DDR2: variants seen among roughly 807,000 people sequenced by gnomAD.
DDR2 encodes discoidin domain receptor tyrosine kinase 2.
Under a neutral mutation model 94.9 loss-of-function variants are expected in DDR2, and 27 were observed. That is an observed-to-expected ratio of 0.28 (90% CI 0.21 to 0.39). DDR2 has a LOEUF of 0.39. DDR2 is among the 10% of genes least tolerant of loss of function. The pLI is 1.00. For synonymous variants in DDR2, 382 were observed against 377.2 expected (o/e 1.01, Z -0.15); for missense variants, 783 against 1,076.0 (o/e 0.73, Z 3.81).
At chr1:162,695,191 G>T (rs1029818869) in intron 2 of DDR2, among the ~76,000 whole-genome samples, 1 of 152,074 alleles carries the variant, frequency 6.6e-6, no homozygotes, top group Non-Finnish European at 1.5e-5. Context: ...CTTTTAACAC[G>T]ATGGGAAAGC....
At position 162,780,391 on chromosome 1, in the gene DDR2, C is replaced by T. The variant is rs558293916; in HGVS notation, c.*145C>T. 141 of 1,220,014 alleles carry T rather than the reference C, an allele frequency of 1.2e-4. 1 individual carries two copies. In the African/African-American group the frequency reaches 1.9e-3, roughly 16 times the overall value. The allele number at this position is 1,220,014 out of a possible 1,614,324, so 75.6% of individuals were successfully genotyped here. Reference sequence around the variant, plus strand: ...TGCTTTGCCCTCTTTTCCTGGTCACCCCCACTCCCTACCCCTGACTCATAT... The same window carrying T: ...TGCTTTGCCCTCTTTTCCTGGTCACTCCCACTCCCTACCCCTGACTCATAT... On this transcript the variant is annotated 3_prime_UTR_variant, in exon 18 of 18. Coordinates refer to ENST00000367921, the MANE Select transcript of DDR2 (RefSeq NM_006182.4).
intron 9 of DDR2, among the ~76,000 whole-genome samples, chr1:162,764,275 T>C (rs1335838829): frequency 6.6e-6 from 1 of 151,582 alleles, no homozygotes; most frequent in Non-Finnish European, 1.5e-5. Context: ...CTGCAGCAAA[T>C]AGTGATTTAA....
chr1:162,637,254 A>G (rs986691902), intron 1 of DDR2, among the ~76,000 whole-genome samples: 1 of 152,198 alleles, frequency 6.6e-6, no homozygotes, highest in African/African-American at 2.4e-5. Flanking sequence ...GAAAATTGGT[A>G]TCCACATTGG....
intron 2 of DDR2, among the ~76,000 whole-genome samples, chr1:162,678,437 T>C (rs767976196): frequency 6.6e-6 from 1 of 152,242 alleles, no homozygotes; most frequent in African/African-American, 2.4e-5. Context: ...TCCTACCTGA[T>C]GTGTCTATCT....
chr1:162,657,307 C>T (rs1356330737), intron 2 of DDR2, among the ~76,000 whole-genome samples: 1 of 152,148 alleles, frequency 6.6e-6, no homozygotes, highest in Non-Finnish European at 1.5e-5. Context: ...AAGAGTCCTT[C>T]TGGTCACCAA....
intron 16 of DDR2, 67 bp downstream of exon 16, chr1:162,776,437 G>T: frequency 1.3e-6 from 2 of 1,492,388 alleles, no homozygotes; most frequent in Non-Finnish European, 1.9e-6. Flanking sequence ...ATGACACGTG[G>T]AGACAAACCT....
intron 7 of DDR2, among the ~76,000 whole-genome samples, chr1:162,758,912 G>T (rs1663583430): frequency 6.6e-6 from 1 of 152,046 alleles, no homozygotes; most frequent in South Asian, 2.1e-4. Flanking sequence ...GATGGTTTTT[G>T]CTCTGTCCCT....
rs746147175 is a variant in DDR2 at position 162,755,183 on chromosome 1, G to A, written c.445G>A (p.Asp149Asn). The A allele has an allele frequency of 1.9e-6, 3 of 1,613,912 alleles. No homozygotes were observed. The highest frequency in any genetic ancestry group is 2.2e-5 in the South Asian group (2 of 91,078). ...QVLDGNSNPY[D>N]IFLKDLEPPI... ...GCTGGATGGAAATAGTAACCCCTAT[G>A]ACATTTTCCTAAAGGACTTGGAGCC... Residue 149 changes from aspartate to asparagine, a missense_variant, in exon 6 of 18, where the codon GAC becomes AAC. This residue lies in a region of DDR2 where 519 missense variants were observed against 647.9 expected (regional missense o/e 0.80). Coordinates refer to ENST00000367921, the MANE Select transcript of DDR2 (RefSeq NM_006182.4).
chr1:162,632,940 G>A (rs567635832), intron 1 of DDR2, among the ~76,000 whole-genome samples: 1 of 152,350 alleles, frequency 6.6e-6, no homozygotes, highest in East Asian at 1.9e-4. Context: ...AGTTGAAATT[G>A]TTGGCAGGCA....
intron 11 of DDR2, among the ~76,000 whole-genome samples, chr1:162,769,999 C>A (rs1052351052): frequency 6.6e-6 from 1 of 152,062 alleles, no homozygotes; most frequent in African/African-American, 2.4e-5. Context: ...AGATTGAGAT[C>A]TTTGGCTACT....
chr1:162,704,733 T>A (rs2102002234), intron 2 of DDR2, among the ~76,000 whole-genome samples: 1 of 152,298 alleles, frequency 6.6e-6, no homozygotes, highest in East Asian at 1.9e-4. Flanking sequence ...AAGGCCCTAC[T>A]TCCTAATACT....
At chr1:162,679,721 G>T (rs1327591736) in intron 2 of DDR2, among the ~76,000 whole-genome samples, 1 of 152,016 alleles carries the variant, frequency 6.6e-6, no homozygotes, top group Middle Eastern at 3.2e-3. Flanking sequence ...TCACCACACT[G>T]CCTTCCACAA....
intron 3 of DDR2, 148 bp from the exon 4 acceptor site, chr1:162,752,947 G>C: frequency 1.5e-6 from 1 of 673,296 alleles, no homozygotes; most frequent in Non-Finnish European, 2.6e-6. Context: ...GATAGAGTCA[G>C]GGTGATCAAA....
intron 11 of DDR2, 131 bp from the exon 12 acceptor site, chr1:162,770,171 G>A (rs964963316): frequency 5.6e-5 from 49 of 871,320 alleles, no homozygotes; most frequent in Non-Finnish European, 8.5e-5. Context: ...TTCCTAGCAC[G>A]TGCAGTGTTG....
chr1:162,740,744 G>A (rs1367826002), intron 3 of DDR2, among the ~76,000 whole-genome samples: 1 of 152,154 alleles, frequency 6.6e-6, no homozygotes, highest in Non-Finnish European at 1.5e-5. Context: ...TTCCCGCAAG[G>A]CCAATGAATT....
chr1:162,759,903 G>A lies in DDR2; in HGVS notation c.779G>A (p.Arg260Gln), dbSNP rs139577393. ...CCCGGCTATGACTATGTGGGCTGGC[G>A]GAACGAGAGTGCCACCAATGGCTAC... ...VWPGYDYVGWRNESATNGYIE... is the reference protein window; with the variant it reads ...VWPGYDYVGWQNESATNGYIE... The change falls in exon 8 of 18, where the codon CGG becomes CAG. Residue 260 changes from arginine to glutamine, a missense_variant. Coordinates refer to ENST00000367921, the MANE Select transcript of DDR2 (RefSeq NM_006182.4). 2.0e-5 allele frequency: 33 copies of A among 1,614,012 alleles called. No homozygotes were observed. The highest frequency in any genetic ancestry group is 8.0e-5 in the African/African-American group (6 of 74,896).
intron 2 of DDR2, among the ~76,000 whole-genome samples, chr1:162,683,575 G>A (rs943193174): frequency 2.6e-5 from 4 of 152,022 alleles, no homozygotes; most frequent in African/African-American, 7.2e-5. Flanking sequence ...AAGAAATATA[G>A]TGCTAATTTT....
intron 2 of DDR2, chr1:162,705,261 C>G (rs111886750): frequency 4.6e-5 from 7 of 152,344 alleles, no homozygotes; most frequent in Non-Finnish European, 1.0e-4. Flanking sequence ...GGGCTGTCCC[C>G]CTGACTGCGT....
Position 162,761,466 on chromosome 1 carries a change from A to C in DDR2, c.1099+12A>C, listed in dbSNP as rs144350332. On this transcript the variant is annotated intron_variant, in intron 9 of 17. Coordinates refer to ENST00000367921, the MANE Select transcript of DDR2 (RefSeq NM_006182.4). The stretch of plus-strand genomic sequence containing the variant: ...CACCTTCCAATCAGGTAGGGAGCTC[A>C]GGTCCTCTTTGGGAAGTGGGAGCAA... 1,990 of 1,614,172 alleles carry C rather than the reference A, an allele frequency of 1.2e-3. 23 individuals carry two copies. In the African/African-American group the frequency reaches 0.022, roughly 18 times the overall value.
Sources: gnomAD v4.1 joint callset for allele counts (sites outside exome capture counted in the v4.1 genomes callset) on GRCh38, gnomAD v4.1.1 for gene constraint, gnomAD v4.1.1 regional missense constraint, MANE v1.5 for transcripts, NCBI Gene and HGNC (gene_info 2026-07-23, HGNC 2026-07-21) for gene names.